The following SV2C variants were observed in gnomAD, a reference collection of about 807,000 sequenced individuals.
SV2C encodes the protein synaptic vesicle glycoprotein 2C.
Under a neutral mutation model 79.7 loss-of-function variants are expected in SV2C, and 49 were observed. The observed-to-expected ratio is 0.61, with a 90% confidence interval of 0.49 to 0.78. The LOEUF is 0.78. Ranked by LOEUF, SV2C falls within the 30% of genes least tolerant of loss-of-function variation. The probability of loss-of-function intolerance (pLI) is 0.00; values close to 1 mark genes in which losing one functional copy is unlikely to be tolerated. For synonymous variants in SV2C, 334 were observed against 333.2 expected, an observed-to-expected ratio of 1.00 and a Z score of -0.03; for missense variants, 833 against 912.9, an observed-to-expected ratio of 0.91 and a Z score of 1.13.
chr5:76,195,087 T>C lies in SV2C; in HGVS notation c.749T>C (p.Leu250Pro). Reference protein sequence around the residue: ...GYGFFLFCRLLSGFGIGGAIP... With the variant: ...GYGFFLFCRLPSGFGIGGAIP... ...GGCTTCTTTCTCTTCTGTCGCTTACTTTCTGGATTCGGGTAAGGTTTTCTC... is the reference window on the plus strand; with the variant it reads ...GGCTTCTTTCTCTTCTGTCGCTTACCTTCTGGATTCGGGTAAGGTTTTCTC... The change falls in exon 3 of 13, where the codon CTT becomes CCT. Residue 250 changes from leucine (L) to proline (P), a missense_variant. By Grantham distance (98) the Leu-to-Pro change is moderately conservative. Coordinates refer to ENST00000502798, the MANE Select transcript of SV2C (RefSeq NM_014979.4). 1 of 1,613,520 alleles carries C rather than the reference T, an allele frequency of 6.2e-7. No individual in the cohort carries two copies. The highest frequency in any genetic ancestry group is 8.5e-7 in the Non-Finnish European group (1 of 1,179,818).
the SV2C span, among the ~76,000 whole-genome samples, chr5:76,053,614 G>A: frequency 1.8e-4 from 27 of 152,210 alleles, no homozygotes; most frequent in Admixed American, 7.9e-4. Flanking sequence ...CAGTAGTTCC[G>A]GTTTGGAGCT....
the SV2C span, among the ~76,000 whole-genome samples, chr5:76,036,518 G>A: frequency 6.6e-6 from 1 of 151,834 alleles, no homozygotes; most frequent in Admixed American, 6.6e-5. Flanking sequence ...TAGTTTGGCT[G>A]GATATGAAAT....
chr5:75,936,333 G>A, the SV2C span, among the ~76,000 whole-genome samples: 1 of 152,154 alleles, frequency 6.6e-6, no homozygotes, highest in Non-Finnish European at 1.5e-5. Flanking sequence ...GTCTCTACAG[G>A]TTCACTACCA....
At chr5:76,300,193 T>TTATTATTA (rs1338698433) in intron 10 of SV2C, among the ~76,000 whole-genome samples, 16 of 88,330 alleles carry the variant, frequency 1.8e-4, no homozygotes, top group Non-Finnish European at 2.8e-4. Context: ...TATTATTATT[T>TTATTATTA]TTGTAGAGAT....
At chr5:76,028,734 G>C in the SV2C span, among the ~76,000 whole-genome samples, 2 of 152,180 alleles carry the variant, frequency 1.3e-5, no homozygotes, top group Non-Finnish European at 2.9e-5. Flanking sequence ...ACTTTAGGAT[G>C]GATAATTTTT....
chr5:76,014,169 G>GAAGAAAGAAAGAAAGAAAGAAAGAAAGA, the SV2C span, among the ~76,000 whole-genome samples: 2 of 140,036 alleles, frequency 1.4e-5, no homozygotes, highest in African/African-American at 5.3e-5. Context: ...AGGAAGGAAG[G>GAAGAAAGAAAGAAAGAAAGAAAGAAAGA]AAGAAAGAAA....
At chr5:75,859,509 T>C in the SV2C span, among the ~76,000 whole-genome samples, 1 of 152,270 alleles carries the variant, frequency 6.6e-6, no homozygotes, top group Non-Finnish European at 1.5e-5. Context: ...AGTTTAACTA[T>C]CTCTCTTTGT....
chr5:76,114,180 A>T (rs181180438), intron 1 of SV2C, among the ~76,000 whole-genome samples: 1 of 152,270 alleles, frequency 6.6e-6, no homozygotes, highest in African/African-American at 2.4e-5. Flanking sequence ...ATGTTCAGTA[A>T]GTCCCTGATG....
the SV2C span, among the ~76,000 whole-genome samples, chr5:75,858,450 A>G: frequency 3.3e-5 from 5 of 152,200 alleles, no homozygotes; most frequent in Admixed American, 3.3e-4. Context: ...CCAGGGATAA[A>G]TCCCACTTGG....
chr5:76,046,813 C>G, the SV2C span, among the ~76,000 whole-genome samples: 1 of 152,214 alleles, frequency 6.6e-6, no homozygotes, highest in African/African-American at 2.4e-5. Context: ...AGTAACTCCT[C>G]AGGTCTTAGG....
At chr5:76,090,538 C>G (rs1747340369) in intron 1 of SV2C, among the ~76,000 whole-genome samples, 1 of 152,156 alleles carries the variant, frequency 6.6e-6, no homozygotes, top group Admixed American at 6.5e-5. Context: ...TTACAATCAT[C>G]TAGTGTGTTC....
chr5:76,256,505 A>G (rs529828907), intron 4 of SV2C, among the ~76,000 whole-genome samples: 157 of 152,244 alleles, frequency 1.0e-3, no homozygotes, highest in African/African-American at 3.7e-3. Flanking sequence ...TTCTGAGAAC[A>G]CCCTAGAATG....
chr5:76,033,091 GTTGT>G, the SV2C span, among the ~76,000 whole-genome samples: 34 of 151,880 alleles, frequency 2.2e-4, no homozygotes, highest in Non-Finnish European at 3.7e-4. Flanking sequence ...TTTTGATGGG[GTTGT>G]TTGTTTTTTT....
chr5:75,970,603 A>G, the SV2C span, among the ~76,000 whole-genome samples: 1 of 152,060 alleles, frequency 6.6e-6, no homozygotes, highest in Non-Finnish European at 1.5e-5. Flanking sequence ...CGACACATAC[A>G]CTCTCCCAAG....
intron 10 of SV2C, among the ~76,000 whole-genome samples, chr5:76,300,263 C>A (rs1227728308): frequency 6.6e-6 from 1 of 151,166 alleles, no homozygotes; most frequent in Admixed American, 6.6e-5. Flanking sequence ...ATCCTCCTGC[C>A]TCATCCTCCC....
the SV2C span, among the ~76,000 whole-genome samples, chr5:75,894,439 A>G: frequency 6.6e-6 from 1 of 152,050 alleles, no homozygotes; most frequent in Non-Finnish European, 1.5e-5. Flanking sequence ...GGTAGTATTG[A>G]AAAATAACAG....
At chr5:76,001,372 G>C in the SV2C span, among the ~76,000 whole-genome samples, 1 of 152,140 alleles carries the variant, frequency 6.6e-6, no homozygotes, top group African/African-American at 2.4e-5. Context: ...AGGCCGGGGT[G>C]GGTGGATCAT....
the SV2C span, among the ~76,000 whole-genome samples, chr5:76,035,408 C>T: frequency 6.6e-6 from 1 of 152,034 alleles, no homozygotes; most frequent in African/African-American, 2.4e-5. Context: ...TTTCCCTCTA[C>T]ACACTGTTTT....
chr5:76,128,206 A>G (rs1473992143), intron 1 of SV2C, among the ~76,000 whole-genome samples: 31 of 152,148 alleles, frequency 2.0e-4, no homozygotes, highest in Admixed American at 1.8e-3. Context: ...GTCCTGGCCC[A>G]CTGATGTCTT....
Sources: gnomAD v4.1 joint callset for allele counts (sites outside exome capture counted in the v4.1 genomes callset) on GRCh38, gnomAD v4.1.1 for gene constraint, MANE v1.5 for transcripts, NCBI Gene and HGNC (gene_info 2026-07-23, HGNC 2026-07-21) for gene names.